Variants in E2F3 observed in about 807,000 individuals in gnomAD.
E2F3 encodes the protein transcription factor E2F3.
A neutral mutation model predicts 44.4 loss-of-function variants in E2F3; 11 were observed. The observed-to-expected ratio is 0.25, with a 90% CI of 0.16 to 0.41. The LOEUF (loss-of-function observed/expected upper bound fraction) is 0.41. Among genes scored for constraint, E2F3 ranks in the 10% least tolerant of loss-of-function variants. The pLI is 1.00. For missense variants in E2F3, 487 were observed against 583.6 expected (o/e 0.83, Z 1.70); for synonymous variants, 249 against 253.0 (o/e 0.98, Z 0.15).
intron 1 of E2F3, among the ~76,000 whole-genome samples, chr6:20,453,061 C>G (rs985589533): frequency 6.6e-6 from 1 of 152,000 alleles, no homozygotes; most frequent in Non-Finnish European, 1.5e-5. Context: ...ATTTACTCTT[C>G]TGTTGGATTC....
chr6:20,454,032 G>A (rs972687031), intron 1 of E2F3, among the ~76,000 whole-genome samples: 6 of 152,216 alleles, frequency 3.9e-5, no homozygotes, highest in Non-Finnish European at 8.8e-5. Flanking sequence ...CAATTCTCAA[G>A]ATTTATCTTA....
chr6:20,475,610 T>C (rs1762019888), intron 1 of E2F3, among the ~76,000 whole-genome samples: 1 of 152,212 alleles, frequency 6.6e-6, no homozygotes, highest in Admixed American at 6.5e-5. Context: ...CAAGCAATTC[T>C]CATGCCCCAG....
chr6:20,488,954 C>G (rs908992834), intron 6 of E2F3, among the ~76,000 whole-genome samples: 4 of 152,108 alleles, frequency 2.6e-5, no homozygotes, highest in Non-Finnish European at 5.9e-5. Context: ...AGATCCGCCA[C>G]TGCACTCCAG....
At chr6:20,449,443 T>C (rs1189814817) in intron 1 of E2F3, among the ~76,000 whole-genome samples, 1 of 152,132 alleles carries the variant, frequency 6.6e-6, no homozygotes, top group African/African-American at 2.4e-5. Flanking sequence ...TATACCTTAA[T>C]AAGCTTTTCA....
At chr6:20,488,395 G>T in intron 6 of E2F3, 147 bp downstream of exon 6, 2 of 1,050,142 alleles carry the variant, frequency 1.9e-6, no homozygotes, top group Non-Finnish European at 2.6e-6. Flanking sequence ...TGACTGGTTT[G>T]CAGAAGAAAA....
rs542034945 is a variant in E2F3, at chr6:20,490,108, A to G, written c.1136-60A>G. On this transcript the variant is annotated intron_variant, in intron 6 of 6. Transcript: ENST00000346618. This position sits in a 1 kb window ranked among gnomAD's most constrained non-coding sequence, Gnocchi z 4.3. ...CTAACAGCAACATATACATTCTTCC[A>G]GAAAAATTCATTTGATTTTTCTAAC... 88 of 1,510,894 alleles carry G rather than the reference A, an allele frequency of 5.8e-5. No homozygotes were observed. The African/African-American group carries it at 1.2e-3, about 20-fold the overall frequency. The allele number at this position is 1,510,894 out of a possible 1,614,324, so 93.6% of individuals were successfully genotyped here. A position where few individuals can be genotyped will look rare whatever the true frequency, so the allele number is the denominator to read the frequency against.
At chr6:20,440,504 T>C (rs1437771944) in intron 1 of E2F3, among the ~76,000 whole-genome samples, 2 of 152,186 alleles carry the variant, frequency 1.3e-5, no homozygotes, top group Non-Finnish European at 2.9e-5. Context: ...ATTCTGTACA[T>C]GGGAGTCTTG....
intron 1 of E2F3, among the ~76,000 whole-genome samples, chr6:20,476,206 C>T (rs1221376920): frequency 1.3e-5 from 2 of 152,100 alleles, no homozygotes; most frequent in African/African-American, 4.8e-5. Flanking sequence ...CCCGTCTCTA[C>T]TAAAACTACA....
chr6:20,422,778 C>A (rs1760071723), intron 1 of E2F3, among the ~76,000 whole-genome samples: 1 of 152,082 alleles, frequency 6.6e-6, no homozygotes, highest in Non-Finnish European at 1.5e-5. Context: ...ATTAAGTTTG[C>A]CATTATATAT....
At chr6:20,427,693 G>T (rs1760261742) in intron 1 of E2F3, among the ~76,000 whole-genome samples, 1 of 152,116 alleles carries the variant, frequency 6.6e-6, no homozygotes, top group Non-Finnish European at 1.5e-5. Context: ...ACCATTTGAG[G>T]TGACTTGGAG....
chr6:20,492,449 T>C lies in E2F3; in HGVS notation c.*2019T>C, dbSNP rs943585144. On this transcript the variant is annotated 3_prime_UTR_variant, in exon 7 of 7. Transcript: ENST00000346618. ...TGGGGGAGGGAGAGGGAGCTTTGTG[T>C]TAAGTGCCTACTGGAAATGCACTGT... is the stretch of plus-strand genomic sequence containing the variant. 1 of 233,668 alleles carries C rather than the reference T, an allele frequency of 4.3e-6. No homozygotes were observed. Among genetic ancestry groups the C allele is most frequent in the Admixed American group, 5.6e-5 (1 of 17,768 alleles). 14.5% of individuals were successfully genotyped at this position (233,668 alleles called of 1,614,324 possible).
Position 20,488,160 on chromosome 6 carries a change from C to T in E2F3, c.1047C>T (p.Tyr349=). Residue 349 remains tyrosine, a synonymous_variant, in exon 6 of 7, where the codon TAC becomes TAT. Transcript: ENST00000346618. Reference sequence around the variant, plus strand: ...GTACCCAAGGGCCCATTGAGGTTTACTTATGTCCAGAAGAGACTGAAACAC... The same window carrying T: ...GTACCCAAGGGCCCATTGAGGTTTATTTATGTCCAGAAGAGACTGAAACAC... ...LASTQGPIEV[Y]LCPEETETHS... 6.2e-7 allele frequency: 1 copy of T among 1,614,144 alleles called. No individual in the cohort carries two copies.
In E2F3 at chr6:20,479,915, G is replaced by C; in HGVS notation, c.463G>C (p.Gly155Arg). 1 of 1,612,676 alleles carries C rather than the reference G, an allele frequency of 6.2e-7. No individual in the cohort carries two copies. Among genetic ancestry groups the C allele is most frequent in the Non-Finnish European group, 8.5e-7 (1 of 1,179,414 alleles). Residue 155 changes from glycine to arginine, a missense_variant, in exon 2 of 7, where the codon GGC (glycine) becomes CGC (arginine). This residue lies in a region of E2F3 where 238 missense variants were observed against 236.0 expected (regional missense o/e 1.01). Transcript: ENST00000346618. ...YLSDGLKTPK[G>R]KGRAALRSPD... is the part of the protein sequence containing the mutation. ...CTCAGATGGTTTAAAAACCCCCAAG[G>C]GCAAAGGAAGAGCTGCACTACGAAG...
At chr6:20,480,978 T>C (rs1395444503) in intron 2 of E2F3, among the ~76,000 whole-genome samples, 2 of 152,190 alleles carry the variant, frequency 1.3e-5, no homozygotes, top group Non-Finnish European at 2.9e-5. Flanking sequence ...AAATTCAAGG[T>C]GAAATGCTTT....
chr6:20,425,894 C>T (rs779281657), intron 1 of E2F3, among the ~76,000 whole-genome samples: 5 of 152,178 alleles, frequency 3.3e-5, no homozygotes, highest in Non-Finnish European at 7.3e-5. Context: ...CTCTCAGGTG[C>T]CTTCTGTTGG....
chr6:20,428,760 A>G (rs1760300092), intron 1 of E2F3, among the ~76,000 whole-genome samples: 1 of 152,228 alleles, frequency 6.6e-6, no homozygotes, highest in African/African-American at 2.4e-5. Context: ...AGGTAGATAA[A>G]TCTATTTTAA....
chr6:20,430,279 AACTT>A (rs1760356780), intron 1 of E2F3, among the ~76,000 whole-genome samples: 1 of 152,234 alleles, frequency 6.6e-6, no homozygotes, highest in Non-Finnish European at 1.5e-5. Flanking sequence ...ATTCTAATTT[AACTT>A]ACTTAATGCT....
rs574433684 is a variant in E2F3 at position 20,484,982 on chromosome 6, G to A, written c.885-1707G>A. 8.0e-5 allele frequency among the ~76,000 whole-genome samples: 12 copies of A among 149,482 alleles called. No homozygotes were observed. In the East Asian group the frequency reaches 1.4e-3, roughly 17 times the overall value. ...AAAAAAAAAAAAAGAAGCTACTATCGTAAGGGACATGATTTATTCTAGGGT... is the reference window on the plus strand; with the variant it reads ...AAAAAAAAAAAAAGAAGCTACTATCATAAGGGACATGATTTATTCTAGGGT... On this transcript the variant is annotated intron_variant, in intron 4 of 6. Coordinates refer to ENST00000346618, the MANE Select transcript of E2F3 (RefSeq NM_001949.5).
intron 1 of E2F3, among the ~76,000 whole-genome samples, chr6:20,417,772 T>C (rs1352226880): frequency 6.6e-6 from 1 of 152,076 alleles, no homozygotes; most frequent in Non-Finnish European, 1.5e-5. Context: ...GTAGTTCCTT[T>C]TGAAGAAAAC....
Sources: gnomAD v4.1 joint callset for allele counts (sites outside exome capture counted in the v4.1 genomes callset) on GRCh38, gnomAD v4.1.1 for gene constraint, gnomAD v4.1.1 regional missense constraint, Gnocchi (gnomAD v3.1) non-coding constraint, MANE v1.5 for transcripts, NCBI Gene and HGNC (gene_info 2026-07-23, HGNC 2026-07-21) for gene names.